The following FXR1 variants were observed in gnomAD, a reference collection of about 807,000 sequenced individuals.
FXR1 encodes FMR1 autosomal homolog 1, also known as RNA-binding protein FXR1.
In FXR1, 15 loss-of-function variants were observed where a neutral mutation model predicts 84.0. That is an observed-to-expected ratio of 0.18 (90% CI 0.12 to 0.27). The LOEUF (loss-of-function observed/expected upper bound fraction) is 0.27, where lower values mean the gene tolerates loss of function less well. Among genes scored for constraint, FXR1 ranks in the 10% least tolerant of loss-of-function variants. The pLI, the probability that FXR1 is intolerant of heterozygous loss-of-function variation, is 1.00. For missense variants in FXR1, 480 were observed against 774.4 expected (o/e 0.62, Z 4.51); for synonymous variants, 245 against 250.7 (o/e 0.98, Z 0.21).
chr3:180,942,976 C>G (rs1350467948), intron 3 of FXR1, among the ~76,000 whole-genome samples: 1 of 151,938 alleles, frequency 6.6e-6, no homozygotes, highest in Admixed American at 6.6e-5. Context: ...TTTCTTTTTT[C>G]CTTCTTCCTA....
intron 1 of FXR1, among the ~76,000 whole-genome samples, chr3:180,926,506 A>ATATATATATATATATATATATAT (rs72192827): frequency 1.0e-4 from 13 of 124,384 alleles, no homozygotes; most frequent in Admixed American, 1.7e-4. Flanking sequence ...ATATATATAT[A>ATATATATATATATATATATATAT]TTTTTTTTTC....
intron 1 of FXR1, among the ~76,000 whole-genome samples, chr3:180,924,083 C>G (rs993426776): frequency 6.6e-6 from 1 of 152,094 alleles, no homozygotes; most frequent in Non-Finnish European, 1.5e-5. Context: ...CTCAGGCTCC[C>G]AGGTAGCTGG....
chr3:180,932,497 C>A (rs999388936), intron 1 of FXR1, among the ~76,000 whole-genome samples: 3 of 152,200 alleles, frequency 2.0e-5, no homozygotes, highest in Non-Finnish European at 2.9e-5. Flanking sequence ...AACAGTAATT[C>A]TACACCCAAG....
rs1333276932 is a variant in FXR1 at position 180,957,678 on chromosome 3, G to A, written c.881-141G>A. 10 of 539,938 alleles carry A rather than the reference G, an allele frequency of 1.9e-5. No homozygotes were observed. In the East Asian group the frequency reaches 2.2e-4, roughly 12 times the overall value. 33.4% of individuals were successfully genotyped at this position (539,938 alleles called of 1,614,324 possible). On this transcript the variant is annotated intron_variant, in intron 9 of 16. Coordinates refer to ENST00000357559, the MANE Select transcript of FXR1 (RefSeq NM_005087.4). ...GAAATTTCTTGGTAGTCTGTAGGGC[G>A]AGTTAATTGATAGTAAAAAGATGGG... is the stretch of plus-strand genomic sequence containing the variant.
intron 3 of FXR1, among the ~76,000 whole-genome samples, chr3:180,940,580 G>GTTTT (rs746815811): frequency 6.8e-6 from 1 of 146,114 alleles, no homozygotes; most frequent in East Asian, 2.0e-4. Context: ...GTTTTTTTCT[G>GTTTT]TTTTCTTTTT....
At position 180,980,926 on chromosome 3, in the gene FXR1, T is replaced by C. The variant is rs1714580738; in HGVS notation, c.*4634T>C. The C allele has an allele frequency of 6.7e-6, 1 of 149,342 alleles. No individual in the cohort carries two copies. Among genetic ancestry groups the C allele is most frequent in the Non-Finnish European group, 1.5e-5 (1 of 67,864 alleles). The allele number at this position is 149,342 out of a possible 1,614,324, so 9.3% of individuals were successfully genotyped here. ...AAACCTAGGAGAGCATTCTACATTG[T>C]AATTTTTTTTTTACTTTGTTTACAT... On this transcript the variant is annotated 3_prime_UTR_variant, in exon 17 of 17. Transcript: ENST00000357559.
intron 1 of FXR1, among the ~76,000 whole-genome samples, chr3:180,915,269 C>T (rs556045456): frequency 1.3e-5 from 2 of 152,174 alleles, no homozygotes; most frequent in East Asian, 3.9e-4. Context: ...GATTAACTGT[C>T]ACTTTAACTG....
rs1720640883 is a variant in FXR1, at chr3:180,937,374, C to T, written c.198+2143C>T. Among the ~76,000 whole-genome samples the T allele has an allele frequency of 2.6e-5, 4 of 152,172 alleles. No individual in the cohort carries two copies. The South Asian group carries it at 8.3e-4, about 32-fold the overall frequency. On this transcript the variant is annotated intron_variant, in intron 3 of 16. Coordinates refer to ENST00000357559, the MANE Select transcript of FXR1 (RefSeq NM_005087.4). ...TGGTGGGGTGGTGAGGGTGTTGTTA[C>T]AGTGTACTTTTTCCATTCCTGTCCA...
At chr3:180,931,931 G>A (rs186840808) in intron 1 of FXR1, among the ~76,000 whole-genome samples, 31 of 151,114 alleles carry the variant, frequency 2.1e-4, no homozygotes, top group Admixed American at 5.9e-4. Context: ...GGTAGAGATG[G>A]GATTCCACTG....
In FXR1 at chr3:180,978,057, G is replaced by A. The variant is rs894172316; in HGVS notation, c.*1765G>A. 4.0e-5 allele frequency: 6 copies of A among 151,450 alleles called. No homozygotes were observed. Among genetic ancestry groups the A allele is most frequent in the African/African-American group, 1.5e-4 (6 of 41,204 alleles). 9.4% of individuals were successfully genotyped at this position (151,450 alleles called of 1,614,324 possible). ...ATATTTAAAAAAATTACCCACAAAT[G>A]TGTTTTTTTAAATCGATCAAAGCTA... On this transcript the variant is annotated 3_prime_UTR_variant, in exon 17 of 17. Transcript: ENST00000357559.
intron 9 of FXR1, among the ~76,000 whole-genome samples, chr3:180,957,012 A>T (rs901104485): frequency 1.3e-5 from 2 of 152,216 alleles, no homozygotes; most frequent in East Asian, 1.9e-4. Flanking sequence ...CATCGGTTCC[A>T]TATGGTGAAG....
chr3:180,918,996 G>A (rs546967607), intron 1 of FXR1, among the ~76,000 whole-genome samples: 1 of 152,084 alleles, frequency 6.6e-6, no homozygotes. Flanking sequence ...AACCATTATG[G>A]TGCAATATTT....
rs543763527 is a variant in FXR1 at position 180,981,191 on chromosome 3, T to C, written c.*4899T>C. On this transcript the variant is annotated 3_prime_UTR_variant, in exon 17 of 17. Coordinates refer to ENST00000357559, the MANE Select transcript of FXR1 (RefSeq NM_005087.4). ...TTCTAACCTAAAACCCCTCTAACCCTTTAAATGAAGCATTATGCCTGCGTG... is the reference window on the plus strand; with the variant it reads ...TTCTAACCTAAAACCCCTCTAACCCCTTAAATGAAGCATTATGCCTGCGTG... 10 of 152,070 alleles carry C rather than the reference T, an allele frequency of 6.6e-5. No homozygotes were observed. Among genetic ancestry groups the C allele is most frequent in the African/African-American group, 2.2e-4 (9 of 41,520 alleles). 9.4% of individuals were successfully genotyped at this position (152,070 alleles called of 1,614,324 possible). A position where few individuals can be genotyped will look rare whatever the true frequency, so the allele number is the denominator to read the frequency against.
intron 3 of FXR1, among the ~76,000 whole-genome samples, chr3:180,941,642 T>TA (rs1721131886): frequency 1.3e-5 from 2 of 152,216 alleles, no homozygotes; most frequent in African/African-American, 4.8e-5. Flanking sequence ...TTGTTAGTCT[T>TA]ACTGCTTGGG....
chr3:180,928,970 T>C (rs1419319046), intron 1 of FXR1, among the ~76,000 whole-genome samples: 2 of 152,114 alleles, frequency 1.3e-5, no homozygotes, highest in Admixed American at 6.6e-5. Context: ...TTGCCTAGGC[T>C]GGAGTGCAAT....
At chr3:180,950,595 C>G (rs372503843) in intron 7 of FXR1, among the ~76,000 whole-genome samples, 1 of 152,112 alleles carries the variant, frequency 6.6e-6, no homozygotes, top group African/African-American at 2.4e-5. Context: ...CAGTACATCT[C>G]ATCTTGTAAA....
intron 9 of FXR1, chr3:180,954,202 T>C (rs1722513268): frequency 1.2e-5 from 2 of 167,592 alleles, no homozygotes; most frequent in Non-Finnish European, 1.3e-5. Context: ...ATTATGATAG[T>C]ACTTTTTGAG....
chr3:180,944,549 A>G (rs1423074869), intron 3 of FXR1, among the ~76,000 whole-genome samples: 1 of 151,332 alleles, frequency 6.6e-6, no homozygotes, highest in African/African-American at 2.4e-5. Context: ...TTGGTCTCAA[A>G]CTCCTGGGCT....
chr3:180,966,518 A>C (rs1259999692), intron 13 of FXR1, among the ~76,000 whole-genome samples: 1 of 152,226 alleles, frequency 6.6e-6, no homozygotes, highest in African/African-American at 2.4e-5. Context: ...GGGAACTTCA[A>C]GGTATTTCAT....
Sources: allele counts gnomAD v4.1 joint callset (sites outside exome capture counted in the v4.1 genomes callset), GRCh38; gene constraint gnomAD v4.1.1; transcripts MANE v1.5; gene names NCBI Gene and HGNC (gene_info 2026-07-23, HGNC 2026-07-21).